Variants in KNTC1 observed in about 807,000 individuals in gnomAD.
KNTC1 encodes the protein kinetochore-associated protein 1.
KNTC1 carries 253 observed loss-of-function variants against 314.4 expected under a neutral mutation model. That is an observed-to-expected ratio of 0.80 (90% confidence interval 0.73 to 0.89). KNTC1 has a LOEUF of 0.89. KNTC1 is among the 40% of genes least tolerant of loss of function. KNTC1 has a pLI of 0.00. For missense variants in KNTC1, 2,475 were observed against 2,572.9 expected, an observed-to-expected ratio of 0.96 and a Z score of 0.82; for synonymous variants, 901 against 901.4, an observed-to-expected ratio of 1.00 and a Z score of 0.01.
At position 122,582,744 on chromosome 12, in the gene KNTC1, A is replaced by C; in HGVS notation, c.3022A>C (p.Asn1008His). The C allele has an allele frequency of 6.2e-7, 1 of 1,611,898 alleles. No individual in the cohort carries two copies. The highest frequency in any genetic ancestry group is 1.1e-5 in the South Asian group (1 of 90,916). The change falls in exon 34 of 64, where the codon AAT (asparagine) becomes CAT (histidine). Residue 1008 changes from asparagine (N) to histidine (H), a missense_variant. Physicochemically the swap from Asn to His is moderately conservative, Grantham distance 68 (BLOSUM62 1). Coordinates refer to ENST00000333479, the MANE Select transcript of KNTC1 (RefSeq NM_014708.6). Reference protein sequence around the residue: ...EVFLSFEDYSNSSLVADLREQ... With the variant: ...EVFLSFEDYSHSSLVADLREQ... ...CTTTCTTTCATTTGAAGATTATAGC[A>C]ATAGTTCCCTGGTAGCAGATCTCCG...
At chr12:122,586,601 G>A in intron 37 of KNTC1, 100 bp from the exon 38 acceptor site, 1 of 330,560 alleles carries the variant, frequency 3.0e-6, no homozygotes, top group Non-Finnish European at 5.7e-6. Flanking sequence ...AGGGGTCCAA[G>A]TGCTATTTTG....
chr12:122,556,503 T>G (rs1963603531), intron 16 of KNTC1, among the ~76,000 whole-genome samples: 1 of 149,436 alleles, frequency 6.7e-6, no homozygotes, highest in Non-Finnish European at 1.5e-5. Flanking sequence ...TTTTTTTTTT[T>G]GAGATGGAGT....
chr12:122,542,691 G>GGAGGCA (rs1962434500), intron 6 of KNTC1, among the ~76,000 whole-genome samples: 1 of 152,124 alleles, frequency 6.6e-6, no homozygotes, highest in African/African-American at 2.4e-5. Flanking sequence ...TTTGAACCCA[G>GGAGGCA]GAGGCAGAGG....
In KNTC1 at chr12:122,602,391, A is replaced by G; in HGVS notation, c.4654-178A>G. ...CATAGGATTCCTTTAATCATTGTAT[A>G]TAAATTATAGTTTAGATGAATAATG... On this transcript the variant is annotated intron_variant, in intron 45 of 63. Transcript: ENST00000333479. 6.0e-6 allele frequency: 3 copies of G among 496,076 alleles called. No individual in the cohort carries two copies. The South Asian group carries it at 1.1e-4, about 18-fold the overall frequency. 30.7% of individuals were successfully genotyped at this position (496,076 alleles called of 1,614,324 possible).
intron 57 of KNTC1, among the ~76,000 whole-genome samples, chr12:122,615,878 C>T (rs1216422085): frequency 2.0e-5 from 3 of 152,180 alleles, no homozygotes; most frequent in South Asian, 2.1e-4. Context: ...GCTCACATCA[C>T]CTCCTGAAGA....
intron 34 of KNTC1, among the ~76,000 whole-genome samples, chr12:122,583,563 C>A (rs1000392700): frequency 6.6e-6 from 1 of 152,106 alleles, no homozygotes; most frequent in East Asian, 1.9e-4. Context: ...TGGTGACTCA[C>A]GCCTGTAATC....
intron 40 of KNTC1, among the ~76,000 whole-genome samples, chr12:122,590,152 G>A (rs1277508475): frequency 2.0e-5 from 3 of 151,840 alleles, no homozygotes; most frequent in Non-Finnish European, 2.9e-5. Flanking sequence ...AAGATCTTTG[G>A]TATACCGTTT....
In KNTC1 at chr12:122,557,526, A is replaced by G; in HGVS notation, c.1398+17A>G. ...AAGATCCAGGTATGTTTTTCTTGTCACATACTACAGTATTTAGATTGACGT... is the reference window on the plus strand; with the variant it reads ...AAGATCCAGGTATGTTTTTCTTGTCGCATACTACAGTATTTAGATTGACGT... On this transcript the variant is annotated intron_variant, in intron 17 of 63. Transcript: ENST00000333479. 6.2e-7 allele frequency: 1 copy of G among 1,612,918 alleles called. No homozygotes were observed. The highest frequency in any genetic ancestry group is 1.3e-5 in the African/African-American group (1 of 75,026).
At chr12:122,623,940 T>C (rs1465500369) in intron 62 of KNTC1, among the ~76,000 whole-genome samples, 3 of 151,958 alleles carry the variant, frequency 2.0e-5, no homozygotes, top group Non-Finnish European at 4.4e-5. Context: ...TGGTGGCGCA[T>C]GCCTGTAATC....
intron 8 of KNTC1, among the ~76,000 whole-genome samples, chr12:122,545,950 T>A (rs1379677820): frequency 5.5e-5 from 8 of 145,196 alleles, no homozygotes; most frequent in Non-Finnish European, 6.0e-5. Context: ...TGTCTCAAAT[T>A]AAAAAAAAAA....
chr12:122,533,748 T>G (rs1961570239), intron 2 of KNTC1, among the ~76,000 whole-genome samples: 1 of 152,070 alleles, frequency 6.6e-6, no homozygotes, highest in African/African-American at 2.4e-5. Flanking sequence ...TGGGGAATTT[T>G]CAAGGATTAC....
chr12:122,596,130 T>C (rs142319660), intron 43 of KNTC1, among the ~76,000 whole-genome samples: 5,894 of 139,126 alleles, frequency 0.042, 411 homozygotes, highest in African/African-American at 0.15. Flanking sequence ...TCACCCAGCC[T>C]GAAGTGCAGT....
intron 51 of KNTC1, among the ~76,000 whole-genome samples, chr12:122,608,382 G>A (rs1485784255): frequency 3.3e-5 from 5 of 152,026 alleles, no homozygotes; most frequent in African/African-American, 9.7e-5. Context: ...CACCCACCTC[G>A]GCCTCCCAAA....
At position 122,568,139 on chromosome 12, in the gene KNTC1, T is replaced by A. The variant is rs1964464319; in HGVS notation, c.1605-122T>A. 9.9e-6 allele frequency: 6 copies of A among 608,282 alleles called. No homozygotes were observed. The South Asian group carries it at 1.3e-4, about 14-fold the overall frequency. 37.7% of individuals were successfully genotyped at this position (608,282 alleles called of 1,614,324 possible). Reference sequence around the variant, plus strand: ...ATCTTTGGAACTGGGTTTTTTTTAGTTTTTTGTTTTTACCTTTATGAAGAA... The same window carrying A: ...ATCTTTGGAACTGGGTTTTTTTTAGATTTTTGTTTTTACCTTTATGAAGAA... On this transcript the variant is annotated intron_variant, in intron 20 of 63. Coordinates refer to ENST00000333479, the MANE Select transcript of KNTC1 (RefSeq NM_014708.6).
chr12:122,585,819 T>C (rs200326639), intron 37 of KNTC1, 45 bp downstream of exon 37: 786 of 1,593,708 alleles, frequency 4.9e-4, no homozygotes, highest in Non-Finnish European at 5.5e-4. Context: ...TTCTGTCTTA[T>C]GTAAATTTAA....
intron 1 of KNTC1, among the ~76,000 whole-genome samples, chr12:122,529,505 C>T (rs1428722332): frequency 4.6e-5 from 7 of 152,042 alleles, no homozygotes; most frequent in Non-Finnish European, 7.4e-5. Flanking sequence ...TTTTTTTCTC[C>T]TCCCCTTATC....
At chr12:122,622,677 G>C in intron 62 of KNTC1, 70 bp downstream of exon 62, 2 of 1,261,542 alleles carry the variant, frequency 1.6e-6, no homozygotes, top group Non-Finnish European at 2.2e-6. Context: ...AGCTGGGCAC[G>C]ATGGCTCACG....
In KNTC1 at chr12:122,602,730, G is replaced by T. The variant is rs767528355; in HGVS notation, c.4815G>T (p.Trp1605Cys). Residue 1605 changes from tryptophan (W) to cysteine (C), a missense_variant, in exon 46 of 64, where the codon TGG (tryptophan) becomes TGT (cysteine). Coordinates refer to ENST00000333479, the MANE Select transcript of KNTC1 (RefSeq NM_014708.6). ...TCTTTGGCACAGCACAGAACTTCTG[G>T]AAAATTCTCTGTATGTGTTCATTAA... ...LIFFGTAQNF[W>C]KILSTELSEE... 6.2e-7 allele frequency: 1 copy of T among 1,613,588 alleles called. No homozygotes were observed. Among genetic ancestry groups the T allele is most frequent in the Non-Finnish European group, 8.5e-7 (1 of 1,179,762 alleles).
intron 54 of KNTC1, 59 bp downstream of exon 54, chr12:122,613,289 G>A (rs760838227): frequency 1.0e-4 from 120 of 1,169,310 alleles, no homozygotes; most frequent in Non-Finnish European, 1.5e-4. Context: ...TTTTGGAGCT[G>A]TACCTTTTAA....
Sources: gnomAD v4.1 joint callset for allele counts (sites outside exome capture counted in the v4.1 genomes callset) on GRCh38, gnomAD v4.1.1 for gene constraint, MANE v1.5 for transcripts, NCBI Gene and HGNC (gene_info 2026-07-23, HGNC 2026-07-21) for gene names.